Variants in GPR158 observed in about 807,000 individuals in gnomAD.
GPR158 encodes the protein G protein-coupled receptor 158, also known as metabotropic glycine receptor.
Under a neutral mutation model 78.2 loss-of-function variants are expected in GPR158, and 30 were observed. The ratio of observed to expected loss-of-function variants is 0.38; its 90% CI spans 0.29 to 0.52. The LOEUF (loss-of-function observed/expected upper bound fraction) is 0.52. GPR158 is among the 20% of genes least tolerant of loss of function. GPR158 has a pLI of 0.83. For missense variants in GPR158, 1,463 were observed against 1,523.5 expected (o/e 0.96, Z 0.66); for synonymous variants, 581 against 591.1 (o/e 0.98, Z 0.25).
At chr10:25,358,248 ACTTT>A (rs1329780571) in intron 2 of GPR158, among the ~76,000 whole-genome samples, 1 of 125,416 alleles carries the variant, frequency 8.0e-6, no homozygotes, top group African/African-American at 4.9e-5. Context: ...TTTGGATGAG[ACTTT>A]GGACTGTGGA....
At chr10:25,249,508 G>A (rs1853758337) in intron 2 of GPR158, among the ~76,000 whole-genome samples, 1 of 151,714 alleles carries the variant, frequency 6.6e-6, no homozygotes, top group Non-Finnish European at 1.5e-5. Context: ...TTTATTGAGA[G>A]TTTTTAGCAT....
intron 2 of GPR158, among the ~76,000 whole-genome samples, chr10:25,232,407 G>A (rs139998930): frequency 3.9e-5 from 6 of 152,258 alleles, no homozygotes; most frequent in East Asian, 1.9e-4. Flanking sequence ...ATGAGGCTAC[G>A]GATGCTTGGC....
chr10:25,274,154 T>C (rs1292700929), intron 2 of GPR158, among the ~76,000 whole-genome samples: 3 of 152,316 alleles, frequency 2.0e-5, no homozygotes, highest in Non-Finnish European at 4.4e-5. Flanking sequence ...TAAATTTATT[T>C]ACACAACACC....
intron 8 of GPR158, among the ~76,000 whole-genome samples, chr10:25,589,810 T>C (rs780471969): frequency 2.0e-5 from 3 of 152,182 alleles, no homozygotes; most frequent in Admixed American, 6.5e-5. Flanking sequence ...ATATGACTTA[T>C]CTTCTGAAAA....
chr10:25,296,473 G>A (rs1054591643), intron 2 of GPR158, among the ~76,000 whole-genome samples: 73 of 127,548 alleles, frequency 5.7e-4, no homozygotes, highest in African/African-American at 2.2e-3. Flanking sequence ...TCATCTGTCT[G>A]TCTTTCTATC....
intron 5 of GPR158, among the ~76,000 whole-genome samples, chr10:25,481,158 G>A (rs1408833674): frequency 6.6e-6 from 1 of 152,140 alleles, no homozygotes; most frequent in Non-Finnish European, 1.5e-5. Flanking sequence ...CAACCAGCAG[G>A]TGGGGAGCCA....
intron 3 of GPR158, among the ~76,000 whole-genome samples, chr10:25,407,779 A>G (rs923309245): frequency 6.6e-6 from 1 of 152,128 alleles, no homozygotes; most frequent in African/African-American, 2.4e-5. Flanking sequence ...CCCAGCCACT[A>G]TCAAGTCTCA....
At chr10:25,251,310 T>C (rs1021770114) in intron 2 of GPR158, among the ~76,000 whole-genome samples, 1 of 152,090 alleles carries the variant, frequency 6.6e-6, no homozygotes, top group African/African-American at 2.4e-5. Flanking sequence ...TTAGTCCATT[T>C]AAATTTAAAG....
intron 5 of GPR158, among the ~76,000 whole-genome samples, chr10:25,491,694 G>A (rs1835810938): frequency 6.6e-6 from 1 of 152,014 alleles, no homozygotes; most frequent in Admixed American, 6.6e-5. Context: ...TTAATTATGA[G>A]CATGGTAAAA....
intron 5 of GPR158, among the ~76,000 whole-genome samples, chr10:25,480,396 C>A (rs11014576): frequency 6.6e-6 from 1 of 152,018 alleles, no homozygotes; most frequent in East Asian, 1.9e-4. Flanking sequence ...TGGCTTTAAA[C>A]ACATTCACAG....
At chr10:25,200,904 T>C (rs1258461228) in intron 1 of GPR158, among the ~76,000 whole-genome samples, 22 of 151,072 alleles carry the variant, frequency 1.5e-4, no homozygotes, top group African/African-American at 5.3e-4. Flanking sequence ...CATGCTGTTT[T>C]GGTTACTGTA....
At chr10:25,472,794 A>T (rs1281997990) in intron 5 of GPR158, among the ~76,000 whole-genome samples, 2 of 152,196 alleles carry the variant, frequency 1.3e-5, no homozygotes, top group East Asian at 3.8e-4. Context: ...TGATTTTTGC[A>T]CATTGATTTT....
chr10:25,390,963 T>G (rs2130521249), intron 2 of GPR158, among the ~76,000 whole-genome samples: 1 of 152,252 alleles, frequency 6.6e-6, no homozygotes, highest in Middle Eastern at 3.4e-3. Context: ...TAGGACTTGG[T>G]GCCCCGTGTG....
rs913271115 is a variant in GPR158 at position 25,427,984 on chromosome 10, C to A, written c.1335+15511C>A. ...ATCTTCCTCTTTATATATAAAATAACAAAATTAACATCATTCTTTTATAGT... is the reference window on the plus strand; with the variant it reads ...ATCTTCCTCTTTATATATAAAATAAAAAAATTAACATCATTCTTTTATAGT... On this transcript the variant is annotated intron_variant, in intron 4 of 10. Transcript: ENST00000376351. Among the ~76,000 whole-genome samples the A allele has an allele frequency of 3.3e-5, 5 of 151,854 alleles. No individual in the cohort carries two copies. The East Asian group carries it at 9.6e-4, about 29-fold the overall frequency.
At chr10:25,521,288 C>T (rs940351471) in intron 5 of GPR158, among the ~76,000 whole-genome samples, 5 of 152,190 alleles carry the variant, frequency 3.3e-5, no homozygotes, top group South Asian at 2.1e-4. Flanking sequence ...GAGATGAACC[C>T]GGTACCTCAG....
chr10:25,448,099 T>C (rs1835161699), intron 4 of GPR158, among the ~76,000 whole-genome samples: 2 of 150,824 alleles, frequency 1.3e-5, no homozygotes, highest in Non-Finnish European at 3.0e-5. Flanking sequence ...TTTTTTTTTT[T>C]TTTGAGACGG....
chr10:25,474,702 A>G (rs528006906), intron 5 of GPR158, among the ~76,000 whole-genome samples: 41 of 152,282 alleles, frequency 2.7e-4, no homozygotes, highest in African/African-American at 8.4e-4. Flanking sequence ...ATCTGCAGCA[A>G]TTAGCCCAGT....
In GPR158 at chr10:25,601,191, T is replaced by G. The variant is rs891631559; in HGVS notation, c.*1917T>G. 1.3e-5 allele frequency: 2 copies of G among 152,630 alleles called. No individual in the cohort carries two copies. The highest frequency in any genetic ancestry group is 4.8e-5 in the African/African-American group (2 of 41,448). The allele number at this position is 152,630 out of a possible 1,614,324, so 9.5% of individuals were successfully genotyped here. A position where few individuals can be genotyped will look rare whatever the true frequency, so the allele number is the denominator to read the frequency against. ...CATCATCAAATTTTTCTCAGTGATT[T>G]TTTTATTCAGGAGTAAGCAAGCACT... On this transcript the variant is annotated 3_prime_UTR_variant, in exon 11 of 11. Transcript: ENST00000376351.
At chr10:25,200,226 T>C (rs901991013) in intron 1 of GPR158, among the ~76,000 whole-genome samples, 1 of 152,230 alleles carries the variant, frequency 6.6e-6, no homozygotes, top group Non-Finnish European at 1.5e-5. Flanking sequence ...TGTGAGATGG[T>C]ATCATTGTGG....
Sources: allele counts gnomAD v4.1 joint callset (sites outside exome capture counted in the v4.1 genomes callset), GRCh38; gene constraint gnomAD v4.1.1; transcripts MANE v1.5; gene names NCBI Gene and HGNC (gene_info 2026-07-23, HGNC 2026-07-21).